UGT1A10: variants seen among roughly 807,000 people sequenced by gnomAD.
UGT1A10 encodes the protein UDP-glucuronosyltransferase 1A10.
UGT1A10 carries 49 observed loss-of-function variants against 45.8 expected under a neutral mutation model. The ratio of observed to expected loss-of-function variants is 1.07; its 90% CI spans 0.85 to 1.36. The LOEUF (loss-of-function observed/expected upper bound fraction) is 1.36, where lower values mean the gene tolerates loss of function less well. Ranked by LOEUF, UGT1A10 falls within the 40% of genes most tolerant of loss-of-function variation. The pLI is 0.00. For missense variants in UGT1A10, 745 were observed against 668.6 expected (o/e 1.11, Z -1.26); for synonymous variants, 284 against 249.7 (o/e 1.14, Z -1.29).
chr2:233,649,348 G>A (rs892203329), intron 1 of UGT1A10, among the ~76,000 whole-genome samples: 1 of 152,078 alleles, frequency 6.6e-6, no homozygotes, highest in Non-Finnish European at 1.5e-5. Flanking sequence ...AGCCTTCCAA[G>A]CAATTATGAC....
At chr2:233,691,138 TG>T in intron 1 of UGT1A10, 1 of 985,810 alleles carries the variant, frequency 1.0e-6, no homozygotes, top group Non-Finnish European at 1.2e-6. Context: ...TTCCTCTAGA[TG>T]AACTGTTCTT....
At chr2:233,743,189 T>C in intron 1 of UGT1A10, 3 of 374,868 alleles carry the variant, frequency 8.0e-6, no homozygotes, top group Non-Finnish European at 1.6e-5. Context: ...GGACTGGAAT[T>C]ACTTGGTGTC....
chr2:233,665,520 G>A (rs968439582), intron 1 of UGT1A10, among the ~76,000 whole-genome samples: 4 of 152,186 alleles, frequency 2.6e-5, no homozygotes, highest in Non-Finnish European at 5.9e-5. Flanking sequence ...AGAAGCAATA[G>A]GAATGAGGGT....
At chr2:233,745,974 G>A (rs1693271191) in intron 1 of UGT1A10, among the ~76,000 whole-genome samples, 1 of 151,654 alleles carries the variant, frequency 6.6e-6, no homozygotes, top group Non-Finnish European at 1.5e-5. Flanking sequence ...CCCTGAAATG[G>A]GACCATGACA....
At chr2:233,712,571 G>T (rs2076241686) in intron 1 of UGT1A10, among the ~76,000 whole-genome samples, 1 of 152,174 alleles carries the variant, frequency 6.6e-6, no homozygotes, top group African/African-American at 2.4e-5. Flanking sequence ...AGCAAATAGG[G>T]TCACATCCAG....
At chr2:233,679,548 T>C (rs2074455611) in intron 1 of UGT1A10, among the ~76,000 whole-genome samples, 1 of 152,200 alleles carries the variant, frequency 6.6e-6, no homozygotes, top group South Asian at 2.1e-4. Context: ...GTGTCATCTT[T>C]TTTTTTGTTT....
At chr2:233,667,624 T>A (rs571933990) in intron 1 of UGT1A10, among the ~76,000 whole-genome samples, 10 of 152,284 alleles carry the variant, frequency 6.6e-5, no homozygotes, top group South Asian at 2.1e-4. Flanking sequence ...AATTTTGGAA[T>A]CTACTCATCT....
At chr2:233,699,643 C>A (rs953035668) in intron 1 of UGT1A10, among the ~76,000 whole-genome samples, 1 of 152,182 alleles carries the variant, frequency 6.6e-6, no homozygotes, top group African/African-American at 2.4e-5. Context: ...TAGAGCCTAG[C>A]TAGGCCTGAA....
chr2:233,693,856 C>T (rs1229039578), intron 1 of UGT1A10: 2 of 1,614,076 alleles, frequency 1.2e-6, no homozygotes, highest in Admixed American at 3.3e-5. Context: ...AGAGGAAAGA[C>T]TTGTCTCAGG....
At chr2:233,641,372 A>G (rs1385489048) in intron 1 of UGT1A10, among the ~76,000 whole-genome samples, 1 of 152,214 alleles carries the variant, frequency 6.6e-6, no homozygotes, top group Admixed American at 6.5e-5. Flanking sequence ...ACAAACACAC[A>G]GCAAGAAGAA....
chr2:233,764,999 A>G (rs984767809), intron 1 of UGT1A10, among the ~76,000 whole-genome samples: 8 of 151,978 alleles, frequency 5.3e-5, no homozygotes, highest in Admixed American at 1.3e-4. Flanking sequence ...TTTCCTGGTC[A>G]TGTTCCAAAT....
chr2:233,693,173 G>T, intron 1 of UGT1A10: 1 of 1,614,186 alleles, frequency 6.2e-7, no homozygotes, highest in Non-Finnish European at 8.5e-7. Flanking sequence ...TCATGAGATT[G>T]TAGTGGTGGT....
At chr2:233,644,565 A>C (rs1481812530) in intron 1 of UGT1A10, among the ~76,000 whole-genome samples, 2 of 149,890 alleles carry the variant, frequency 1.3e-5, no homozygotes, top group Non-Finnish European at 3.0e-5. Context: ...CATCTCAAAA[A>C]ATAAGAATAA....
intron 1 of UGT1A10, among the ~76,000 whole-genome samples, chr2:233,655,548 C>T (rs1003438543): frequency 2.0e-5 from 3 of 151,976 alleles, no homozygotes; most frequent in African/African-American, 7.3e-5. Flanking sequence ...GAAGCCAGGC[C>T]AGGAGATAAA....
chr2:233,637,520 C>T (rs1000259432), intron 1 of UGT1A10, 143 bp downstream of exon 1: 5 of 1,431,204 alleles, frequency 3.5e-6, no homozygotes, highest in Non-Finnish European at 4.6e-6. Flanking sequence ...TGTGCGAATT[C>T]ATGTACTCAT....
chr2:233,701,991 G>A (rs1426208216), intron 1 of UGT1A10, among the ~76,000 whole-genome samples: 2 of 152,100 alleles, frequency 1.3e-5, no homozygotes, highest in African/African-American at 4.8e-5. Context: ...AAATAACTAA[G>A]ATCAGAGCAG....
At chr2:233,745,258 A>T (rs1322135753) in intron 1 of UGT1A10, among the ~76,000 whole-genome samples, 2 of 151,808 alleles carry the variant, frequency 1.3e-5, no homozygotes, top group East Asian at 1.9e-4. Flanking sequence ...AACCATTAAG[A>T]CTTGCAGGCC....
intron 1 of UGT1A10, among the ~76,000 whole-genome samples, chr2:233,740,349 G>A (rs1165997956): frequency 2.0e-5 from 3 of 151,880 alleles, no homozygotes; most frequent in South Asian, 2.1e-4. Flanking sequence ...ATGAGAAAGT[G>A]GAATTAGAAA....
chr2:233,645,607 A>G (rs966835364), intron 1 of UGT1A10, among the ~76,000 whole-genome samples: 1 of 152,240 alleles, frequency 6.6e-6, no homozygotes, highest in Non-Finnish European at 1.5e-5. Context: ...GGCCCCATGC[A>G]TGTCAGAAAT....
Sources: allele counts gnomAD v4.1 joint callset (sites outside exome capture counted in the v4.1 genomes callset), GRCh38; gene constraint gnomAD v4.1.1; transcripts MANE v1.5; gene names NCBI Gene and HGNC (gene_info 2026-07-23, HGNC 2026-07-21).